THBS4: variants seen among roughly 807,000 people sequenced by gnomAD.
The protein encoded by THBS4 is thrombospondin 4.
Under a neutral mutation model 115.7 loss-of-function variants are expected in THBS4, and 90 were observed. The observed-to-expected ratio is 0.78, with a 90% CI of 0.66 to 0.93. The LOEUF (loss-of-function observed/expected upper bound fraction) is 0.93, where lower values mean the gene tolerates loss of function less well. Among genes scored for constraint, THBS4 ranks in the 40% least tolerant of loss-of-function variants. The pLI, the probability that THBS4 is intolerant of heterozygous loss-of-function variation, is 0.00. For missense variants in THBS4, 1,087 were observed against 1,232.7 expected (o/e 0.88, Z 1.77); for synonymous variants, 460 against 479.3 (o/e 0.96, Z 0.53).
chr5:80,055,227 C>T (rs435610), intron 2 of THBS4, among the ~76,000 whole-genome samples: 142,140 of 151,922 alleles, frequency 0.94, 66,831 homozygotes, highest in Middle Eastern at 1. Context: ...GAGGCTAAGA[C>T]AGAAGGATGA....
chr5:80,014,421 C>T (rs985865226), intron 2 of THBS4, among the ~76,000 whole-genome samples: 5 of 152,142 alleles, frequency 3.3e-5, no homozygotes, highest in East Asian at 1.9e-4. Flanking sequence ...GTGGTGGGAT[C>T]TCTGGAACAA....
chr5:80,078,846 C>T (rs1743346412), intron 17 of THBS4, 75 bp from the exon 18 acceptor site: 1 of 1,445,530 alleles, frequency 6.9e-7, no homozygotes, highest in Non-Finnish European at 9.5e-7. Flanking sequence ...TCATATGGTG[C>T]CTGAGGTTTT....
intron 20 of THBS4, 141 bp from the exon 21 acceptor site, chr5:80,082,264 TC>T: frequency 8.9e-7 from 1 of 1,118,154 alleles, no homozygotes; most frequent in Non-Finnish European, 1.3e-6. Context: ...TACAGTACAA[TC>T]CAGGTCAGCG....
At chr5:80,013,951 C>T (rs1832198246) in intron 2 of THBS4, among the ~76,000 whole-genome samples, 1 of 152,136 alleles carries the variant, frequency 6.6e-6, no homozygotes, top group South Asian at 2.1e-4. Context: ...TCAACTTGAT[C>T]CAGTAACAAA....
intron 2 of THBS4, among the ~76,000 whole-genome samples, chr5:80,001,239 T>C (rs1240659956): frequency 6.6e-6 from 1 of 151,642 alleles, no homozygotes; most frequent in Non-Finnish European, 1.5e-5. Context: ...ATCTTTTCTT[T>C]GCACGTACTA....
chr5:80,035,500 C>A lies in THBS4; in HGVS notation c.-38C>A. 14 of 1,291,102 alleles carry A rather than the reference C, an allele frequency of 1.1e-5. No individual in the cohort carries two copies. The highest frequency in any genetic ancestry group is 1.4e-5 in the Non-Finnish European group (14 of 1,018,322). 80.0% of individuals were successfully genotyped at this position (1,291,102 alleles called of 1,614,324 possible). A position where few individuals can be genotyped will look rare whatever the true frequency, so the allele number is the denominator to read the frequency against. Reference sequence around the variant, plus strand: ...GACCCCCAGGCGGGGCCAACGCCGCCGTCGCCCCCGGCCTCGCGGGGAGCA... The same window carrying A: ...GACCCCCAGGCGGGGCCAACGCCGCAGTCGCCCCCGGCCTCGCGGGGAGCA... On this transcript the variant is annotated 5_prime_UTR_variant, in exon 1 of 22. Coordinates refer to ENST00000350881, the MANE Select transcript of THBS4 (RefSeq NM_003248.6). This position sits in a 1 kb window ranked among gnomAD's most constrained non-coding sequence, Gnocchi z 4.6.
intron 9 of THBS4, among the ~76,000 whole-genome samples, chr5:80,065,734 CTATT>C (rs1477158336): frequency 6.6e-6 from 1 of 152,146 alleles, no homozygotes; most frequent in Non-Finnish European, 1.5e-5. Context: ...TATTAGATAA[CTATT>C]TATTGAGTAA....
intron 8 of THBS4, among the ~76,000 whole-genome samples, chr5:80,062,406 G>GT: frequency 6.6e-6 from 1 of 152,088 alleles, no homozygotes. Flanking sequence ...TCTTTTTGAT[G>GT]TTTTTAGCCC....
intron 15 of THBS4, 59 bp downstream of exon 15, chr5:80,073,386 GT>G (rs749915300): frequency 3.3e-4 from 456 of 1,392,274 alleles, no homozygotes; most frequent in Non-Finnish European, 4.1e-4. Flanking sequence ...AGGGTTTTTG[GT>G]TTGTTTTTTT....
chr5:80,053,980 T>C (rs1833335494), intron 2 of THBS4, among the ~76,000 whole-genome samples: 1 of 152,100 alleles, frequency 6.6e-6, no homozygotes, highest in African/African-American at 2.4e-5. Context: ...GGGCCTCTTA[T>C]GTTCAGGACA....
At chr5:80,004,879 A>G (rs1338631422) in intron 2 of THBS4, among the ~76,000 whole-genome samples, 1 of 152,034 alleles carries the variant, frequency 6.6e-6, no homozygotes, top group Non-Finnish European at 1.5e-5. Flanking sequence ...CTGGGATTAC[A>G]GGCACCCACC....
chr5:80,081,796 G>C (rs549673733), intron 20 of THBS4, among the ~76,000 whole-genome samples: 1 of 152,296 alleles, frequency 6.6e-6, no homozygotes, highest in East Asian at 1.9e-4. Context: ...CTCCAGAAGT[G>C]TATGGAATGC....
At position 80,054,318 on chromosome 5, in the gene THBS4, CT is replaced by C. The variant is rs56296474; in HGVS notation, c.293-1447del. On this transcript the variant is annotated intron_variant, in intron 2 of 21. Transcript: ENST00000350881. ...ACAAGTATGTGCCACCACACCTGGC[CT>C]TTTTTTTTTTTTTTTTTTTGAAATG... Among the ~76,000 whole-genome samples the C allele has an allele frequency of 8.6e-3, 1,070 of 123,902 alleles. 2 individuals are homozygous for C. Among genetic ancestry groups the C allele is most frequent in the Non-Finnish European group, 0.013 (808 of 60,348 alleles). 81.3% of individuals were successfully genotyped at this position (123,902 alleles called of 152,430 possible). A position where few individuals can be genotyped will look rare whatever the true frequency, so the allele number is the denominator to read the frequency against.
At position 80,008,695 on chromosome 5, in the gene THBS4, G is replaced by T. The variant is rs114549384; in HGVS notation, n.177+10268G>T. Among the ~76,000 whole-genome samples, 757 of 152,204 alleles carry T rather than the reference G, an allele frequency of 5.0e-3. 6 individuals carry two copies. The highest frequency in any genetic ancestry group is 8.7e-3 in the Non-Finnish European group (591 of 68,024). ...ATTTTGGGGCAGTTAATTCTTTGTT[G>T]TGAGGGGCTCTCGTACATTGTTCAA... On this transcript the variant is annotated intron_variant and non_coding_transcript_variant, in intron 2 of 3. Coordinates refer to the THBS4 transcript ENST00000510218.
intron 21 of THBS4, among the ~76,000 whole-genome samples, chr5:80,082,775 G>A (rs1039773664): frequency 1.3e-5 from 2 of 152,212 alleles, no homozygotes; most frequent in African/African-American, 2.4e-5. Context: ...AGGGTTTGGG[G>A]TTCAGTGAGA....
rs878976002 is a variant in THBS4 at position 80,082,308 on chromosome 5, C to T, written c.2685-98C>T. ...GAGCCTAAAACAGAGCAAAGAAAGA[C>T]GCAGGTACGTATAAGAAGTGGGGCC... On this transcript the variant is annotated intron_variant, in intron 20 of 21. Coordinates refer to ENST00000350881, the MANE Select transcript of THBS4 (RefSeq NM_003248.6). 12 of 1,493,192 alleles carry T rather than the reference C, an allele frequency of 8.0e-6. No homozygotes were observed. In the South Asian group the frequency reaches 1.0e-4, roughly 13 times the overall value. 92.5% of individuals were successfully genotyped at this position (1,493,192 alleles called of 1,614,324 possible).
At chr5:80,071,248 A>G (rs961151803) in intron 13 of THBS4, 68 bp downstream of exon 13, 25 of 1,519,012 alleles carry the variant, frequency 1.6e-5, no homozygotes, top group Middle Eastern at 3.5e-4. Flanking sequence ...TCTCTGAGAG[A>G]GTAGGAATAG....
chr5:80,065,288 C>A, intron 8 of THBS4, 121 bp from the exon 9 acceptor site: 1 of 787,250 alleles, frequency 1.3e-6, no homozygotes, highest in Non-Finnish European at 2.1e-6. Context: ...CTCAGATTAC[C>A]ATTCTACCCG....
In THBS4 at chr5:80,040,077, T is replaced by C. The variant is rs750907207; in HGVS notation, c.89T>C (p.Val30Ala). The stretch of plus-strand genomic sequence containing the variant: ...ACCCCTTCTTCTCCCTTCTTCCCAG[T>C]CTTTGACCTTCTCCCATCTTCCAGT... ...LAAGAQATPQ[V>A]FDLLPSSSQR... is the part of the protein sequence containing the mutation. Residue 30 changes from valine to alanine, a missense_variant and splice_region_variant, in exon 2 of 22, where the codon GTC (valine) becomes GCC (alanine). Physicochemically the swap from Val to Ala is moderately conservative, Grantham distance 64 (BLOSUM62 0). Around this residue, in one of 3 missense-constraint regions of THBS4, gnomAD observed 979 missense variants for 1,103.7 expected, o/e 0.89. Transcript: ENST00000350881. The C allele has an allele frequency of 1.4e-5, 22 of 1,614,040 alleles. No homozygotes were observed. Among genetic ancestry groups the C allele is most frequent in the East Asian group, 2.2e-5 (1 of 44,876 alleles).
Sources: gnomAD v4.1 joint callset for allele counts (sites outside exome capture counted in the v4.1 genomes callset) on GRCh38, gnomAD v4.1.1 for gene constraint, gnomAD v4.1.1 regional missense constraint, Gnocchi (gnomAD v3.1) non-coding constraint, MANE v1.5 for transcripts, NCBI Gene and HGNC (gene_info 2026-07-23, HGNC 2026-07-21) for gene names.